Variants in ATP8B1 observed in about 807,000 individuals in gnomAD.
ATP8B1 encodes the protein phospholipid-transporting ATPase IC.
ATP8B1 carries 80 observed loss-of-function variants against 149.9 expected under a neutral mutation model. That is an observed-to-expected ratio of 0.53 (90% CI 0.45 to 0.64). ATP8B1 has a LOEUF of 0.64. Ranked by LOEUF, ATP8B1 falls within the 30% of genes least tolerant of loss-of-function variation. ATP8B1 has a pLI of 0.00. For synonymous variants in ATP8B1, 536 were observed against 562.8 expected, an observed-to-expected ratio of 0.95 and a Z score of 0.67; for missense variants, 1,247 against 1,552.6, an observed-to-expected ratio of 0.80 and a Z score of 3.31.
Position 57,717,312 on chromosome 18 carries a change from G to A in ATP8B1, c.182-10725C>T, listed in dbSNP as rs190443290. Among the ~76,000 whole-genome samples, 864 of 151,930 alleles carry A rather than the reference G, an allele frequency of 5.7e-3. 4 individuals are homozygous for A. The highest frequency in any genetic ancestry group is 0.02 in the African/African-American group (825 of 41,444). ...TGTAATCCCAACACTTTGGGAGGCCGAGGTGGGCAGATCATGAGGTCAGGA... is the reference window on the plus strand; with the variant it reads ...TGTAATCCCAACACTTTGGGAGGCCAAGGTGGGCAGATCATGAGGTCAGGA... On this transcript the variant is annotated intron_variant, in intron 2 of 27. Coordinates refer to ENST00000648908, the MANE Select transcript of ATP8B1 (RefSeq NM_001374385.1).
At chr18:57,674,735 G>C (rs1396105901) in intron 16 of ATP8B1, 99 bp downstream of exon 16, 1 of 1,369,196 alleles carries the variant, frequency 7.3e-7, no homozygotes, top group Non-Finnish European at 1.0e-6. Flanking sequence ...GAGCCAAGTA[G>C]CTCTTTCACT....
At chr18:57,727,703 C>A (rs543909235) in intron 2 of ATP8B1, among the ~76,000 whole-genome samples, 1 of 152,156 alleles carries the variant, frequency 6.6e-6, no homozygotes, top group Non-Finnish European at 1.5e-5. Flanking sequence ...GCAGGAGAAT[C>A]GCTTGAACCC....
At chr18:57,666,069 C>T (rs1910837086) in intron 20 of ATP8B1, among the ~76,000 whole-genome samples, 1 of 152,186 alleles carries the variant, frequency 6.6e-6, no homozygotes, top group Non-Finnish European at 1.5e-5. Flanking sequence ...ATTCCCTCAT[C>T]ACTTTATCAC....
chr18:57,792,885 T>A (rs1371502390), intron 1 of ATP8B1, among the ~76,000 whole-genome samples: 1 of 152,008 alleles, frequency 6.6e-6, no homozygotes, highest in Non-Finnish European at 1.5e-5. Flanking sequence ...GGCTTGTGAG[T>A]GGCAATAGCT....
chr18:57,700,810 C>G (rs1162534749), intron 6 of ATP8B1, among the ~76,000 whole-genome samples: 7 of 151,972 alleles, frequency 4.6e-5, no homozygotes, highest in Non-Finnish European at 1.5e-5. Flanking sequence ...CCCATCTACT[C>G]GGAGGCTGAG....
chr18:57,731,080 G>C (rs2079759956), intron 2 of ATP8B1, among the ~76,000 whole-genome samples: 4 of 151,976 alleles, frequency 2.6e-5, no homozygotes, highest in South Asian at 4.1e-4. Context: ...GATCCCTTGA[G>C]CTCAGGAGTT....
chr18:57,685,123 A>G lies in ATP8B1; in HGVS notation c.1430-8T>C. ...AGGCATCCCGATGGTCCCCTGAGAA[A>G]CAAACAGGACAAAACAAATTGATTC... On this transcript the variant is annotated splice_polypyrimidine_tract_variant and splice_region_variant and intron_variant, in intron 13 of 27. Coordinates refer to ENST00000648908, the MANE Select transcript of ATP8B1 (RefSeq NM_001374385.1). 2.5e-6 allele frequency: 4 copies of G among 1,614,108 alleles called. No homozygotes were observed. Among genetic ancestry groups the G allele is most frequent in the African/African-American group, 1.3e-5 (1 of 75,028 alleles).
At chr18:57,672,866 C>CAAAA (rs869293441) in intron 16 of ATP8B1, among the ~76,000 whole-genome samples, 1 of 33,698 alleles carries the variant, frequency 3.0e-5, no homozygotes, top group Non-Finnish European at 4.9e-5. Context: ...AACTCTGTCT[C>CAAAA]AAAAAAAAAA....
chr18:57,672,931 TA>T (rs1555690213), intron 16 of ATP8B1, among the ~76,000 whole-genome samples: 3,389 of 33,074 alleles, frequency 0.1, 335 homozygotes, highest in South Asian at 0.14. Flanking sequence ...TATATATATA[TA>T]ACATGTATAT....
At chr18:57,697,184 C>G (rs551992534) in intron 8 of ATP8B1, among the ~76,000 whole-genome samples, 65 of 152,040 alleles carry the variant, frequency 4.3e-4, no homozygotes, top group Middle Eastern at 3.2e-3. Context: ...TTGTTTGAAC[C>G]CAGGGGGTGT....
chr18:57,689,049 A>C (rs932693612), intron 12 of ATP8B1, among the ~76,000 whole-genome samples: 1 of 152,184 alleles, frequency 6.6e-6, no homozygotes, highest in African/African-American at 2.4e-5. Flanking sequence ...TTAGACAAGT[A>C]ATTTCCACTC....
intron 4 of ATP8B1, among the ~76,000 whole-genome samples, chr18:57,702,624 G>A (rs1397874522): frequency 2.0e-5 from 3 of 152,204 alleles, no homozygotes; most frequent in African/African-American, 4.8e-5. Flanking sequence ...TTGGGAGGCC[G>A]AGGTGGGCGG....
rs1910370278 is a variant in ATP8B1, at chr18:57,661,182, A to G, written c.2699T>C (p.Met900Thr). Residue 900 changes from methionine (M) to threonine (T), a missense_variant, in exon 22 of 28, where the codon ATG becomes ACG. Met to Thr is a moderately conservative substitution (Grantham distance 81). Coordinates refer to ENST00000648908, the MANE Select transcript of ATP8B1 (RefSeq NM_001374385.1). ...GTGGGTGCATGACTCACTTTTGATC[A>G]TGTTCACGTCATTGGCCCCATCTCC... Reference protein sequence around the residue: ...AIGDGANDVNMIKTAHIGVGI... With the variant: ...AIGDGANDVNTIKTAHIGVGI... The G allele has an allele frequency of 1.2e-6, 2 of 1,613,602 alleles. No individual in the cohort carries two copies. Among genetic ancestry groups the G allele is most frequent in the Non-Finnish European group, 1.7e-6 (2 of 1,180,034 alleles).
intron 2 of ATP8B1, among the ~76,000 whole-genome samples, chr18:57,708,157 CAAAAAA>C (rs36027330): frequency 3.0e-5 from 2 of 67,076 alleles, no homozygotes; most frequent in Admixed American, 1.8e-4. Context: ...AACTCTGTCT[CAAAAAA>C]AAAAAAAAAA....
intron 1 of ATP8B1, among the ~76,000 whole-genome samples, chr18:57,753,320 AAG>A (rs2080041021): frequency 6.6e-6 from 1 of 152,188 alleles, no homozygotes; most frequent in Admixed American, 6.5e-5. Flanking sequence ...ATAATATGGA[AAG>A]AGAGGAAGTG....
chr18:57,766,987 A>G (rs1220210660), intron 1 of ATP8B1, among the ~76,000 whole-genome samples: 1 of 152,166 alleles, frequency 6.6e-6, no homozygotes, highest in Non-Finnish European at 1.5e-5. Flanking sequence ...ACAGGTCTAG[A>G]GGTAAGAACA....
intron 1 of ATP8B1, among the ~76,000 whole-genome samples, chr18:57,799,345 G>C (rs1474799209): frequency 6.6e-6 from 1 of 152,192 alleles, no homozygotes; most frequent in Admixed American, 6.5e-5. Context: ...TAAAAGTGCA[G>C]TGCATTTATA....
At chr18:57,797,000 G>C (rs933684569) in intron 1 of ATP8B1, among the ~76,000 whole-genome samples, 1 of 152,176 alleles carries the variant, frequency 6.6e-6, no homozygotes, top group African/African-American at 2.4e-5. Context: ...AGAAATCTCA[G>C]AGGATCATGT....
intron 3 of ATP8B1, 91 bp downstream of exon 3, chr18:57,706,399 G>T: frequency 9.9e-7 from 1 of 1,008,636 alleles, no homozygotes; most frequent in South Asian, 1.3e-5. Flanking sequence ...TGGTTACGTG[G>T]AAGGCAGGTG....
Sources: gnomAD v4.1 joint callset for allele counts (sites outside exome capture counted in the v4.1 genomes callset) on GRCh38, gnomAD v4.1.1 for gene constraint, MANE v1.5 for transcripts, NCBI Gene and HGNC (gene_info 2026-07-23, HGNC 2026-07-21) for gene names.